Variants in PUDP observed in about 807,000 individuals in gnomAD.
The protein encoded by PUDP is pseudouridine-5'-phosphatase.
PUDP carries 8 observed loss-of-function variants against 9.4 expected under a neutral mutation model. The ratio of observed to expected loss-of-function variants is 0.85; its 90% CI spans 0.50 to 1.53. The LOEUF (loss-of-function observed/expected upper bound fraction) is 1.53. Ranked by LOEUF, PUDP falls within the 40% of genes most tolerant of loss-of-function variation. PUDP has a pLI of 0.00. For synonymous variants in PUDP, 99 were observed against 80.7 expected (o/e 1.23, Z -1.22); for missense variants, 188 against 189.7 (o/e 0.99, Z 0.05).
At chrX:7,135,619 C>T (rs1429004058) in intron 1 of PUDP, among the ~76,000 whole-genome samples, 1 of 112,329 alleles carries the variant, frequency 8.9e-6, no homozygotes, top group Non-Finnish European at 1.9e-5. Context: ...TCTCCAACAT[C>T]AATTTTCTAA....
chrX:7,127,100 T>G (rs1824375619), intron 1 of PUDP, among the ~76,000 whole-genome samples: 1 of 111,795 alleles, frequency 8.9e-6, no homozygotes, highest in African/African-American at 3.3e-5. Context: ...GGAATTATAT[T>G]GACAAAAGGA....
chrX:7,105,931 A>C, intron 1 of PUDP, 93 bp from the exon 2 acceptor site: 1 of 576,229 alleles, frequency 1.7e-6, no homozygotes, highest in South Asian at 3.4e-5. Flanking sequence ...TGTAGGTCTC[A>C]TTCCATGAAC....
intron 3 of PUDP, among the ~76,000 whole-genome samples, chrX:6,929,261 G>A (rs1928153402): frequency 8.9e-6 from 1 of 112,913 alleles, no homozygotes; most frequent in East Asian, 2.8e-4. Flanking sequence ...ACCAATGGCT[G>A]TGACACAGCC....
At chrX:6,866,048 G>A (rs1927078861) in intron 3 of PUDP, among the ~76,000 whole-genome samples, 1 of 111,020 alleles carries the variant, frequency 9.0e-6, no homozygotes, top group Admixed American at 9.6e-5. Context: ...AGCTTCCTGA[G>A]TAGCTGTGAT....
At chrX:6,901,699 T>A (rs951800231) in intron 3 of PUDP, among the ~76,000 whole-genome samples, 4 of 112,511 alleles carry the variant, frequency 3.6e-5, no homozygotes, top group African/African-American at 9.7e-5. Flanking sequence ...TCACTCTATC[T>A]AAATAACTAT....
At chrX:7,136,473 G>A (rs1932745124) in intron 1 of PUDP, among the ~76,000 whole-genome samples, 1 of 111,983 alleles carries the variant, frequency 8.9e-6, no homozygotes, top group African/African-American at 3.3e-5. Flanking sequence ...ATGCTTGTGG[G>A]AACCACTTAC....
At chrX:6,991,412 C>T (rs1929174700) in intron 1 of PUDP, among the ~76,000 whole-genome samples, 1 of 110,841 alleles carries the variant, frequency 9.0e-6, no homozygotes, top group African/African-American at 3.3e-5. Flanking sequence ...GGTATAGTGG[C>T]TCACACCTGA....
chrX:6,911,871 C>T (rs1361875647), intron 3 of PUDP, among the ~76,000 whole-genome samples: 3 of 111,477 alleles, frequency 2.7e-5, no homozygotes, highest in Non-Finnish European at 5.6e-5. Flanking sequence ...TTTTGTGTGT[C>T]CTTGAAAACA....
chrX:6,777,426 T>G (rs1925483935), intron 3 of PUDP, among the ~76,000 whole-genome samples: 1 of 112,009 alleles, frequency 8.9e-6, no homozygotes, highest in Non-Finnish European at 1.9e-5. Flanking sequence ...CCTCATTTGC[T>G]TTGAGCCGTG....
At chrX:6,732,577 G>A (rs1450968326) in intron 3 of PUDP, among the ~76,000 whole-genome samples, 1 of 100,653 alleles carries the variant, frequency 9.9e-6, no homozygotes, top group Non-Finnish European at 2.0e-5. Context: ...GGGAGGGAGA[G>A]AGGGAGGGAG....
At chrX:6,933,158 G>T (rs1166259619) in intron 3 of PUDP, among the ~76,000 whole-genome samples, 1 of 105,358 alleles carries the variant, frequency 9.5e-6, no homozygotes, top group African/African-American at 3.4e-5. Context: ...AGAACACGCA[G>T]ACTGCCTCCT....
chrX:6,986,969 C>G (rs999148524), intron 1 of PUDP, among the ~76,000 whole-genome samples: 2 of 112,015 alleles, frequency 1.8e-5, no homozygotes, highest in Non-Finnish European at 3.8e-5. Context: ...GCATGCAACC[C>G]TCCCTCCAGC....
chrX:6,741,596 G>A (rs1304223110), intron 3 of PUDP, among the ~76,000 whole-genome samples: 1 of 111,035 alleles, frequency 9.0e-6, no homozygotes, highest in Non-Finnish European at 1.9e-5. Context: ...CATATGTAGA[G>A]AGATACATAG....
In PUDP at chrX:7,049,796, TA is replaced by T. The variant is rs1328538407; in HGVS notation, c.*499del. ...CATACATATGCATACATAAAGCATA[TA>T]CTTATATGCATACACAGTTTACATT... is the stretch of plus-strand genomic sequence containing the variant. On this transcript the variant is annotated 3_prime_UTR_variant, in exon 4 of 4. Coordinates refer to ENST00000381077, the MANE Select transcript of PUDP (RefSeq NM_012080.5). The T allele has an allele frequency of 8.8e-6, 1 of 113,336 alleles. No individual in the cohort carries two copies. The highest frequency in any genetic ancestry group is 3.2e-5 in the African/African-American group (1 of 30,887). 9.3% of individuals were successfully genotyped at this position (113,336 alleles called of 1,213,427 possible).
intron 1 of PUDP, among the ~76,000 whole-genome samples, chrX:7,022,529 G>A (rs1009205923): frequency 2.7e-5 from 3 of 111,500 alleles, no homozygotes; most frequent in Admixed American, 9.5e-5. Flanking sequence ...GGCGATGGGA[G>A]CAGTCAAGAC....
intron 1 of PUDP, among the ~76,000 whole-genome samples, chrX:7,140,734 T>G (rs1932786902): frequency 8.9e-6 from 1 of 111,937 alleles, no homozygotes; most frequent in Admixed American, 9.5e-5. Context: ...GCATATCTTA[T>G]TTTATTGTGC....
intron 3 of PUDP, among the ~76,000 whole-genome samples, chrX:6,935,958 C>T (rs1468476368): frequency 9.6e-6 from 1 of 103,869 alleles, no homozygotes; most frequent in Non-Finnish European, 2.0e-5. Flanking sequence ...TCTGAATAGA[C>T]CAATAACAGG....
chrX:7,092,349 T>C (rs961945427), intron 2 of PUDP, among the ~76,000 whole-genome samples: 5 of 112,967 alleles, frequency 4.4e-5, no homozygotes, highest in Non-Finnish European at 9.4e-5. Context: ...AAGACAAAAA[T>C]AACAGAATAC....
At chrX:6,921,951 T>C (rs1242502333) in intron 3 of PUDP, among the ~76,000 whole-genome samples, 1 of 111,749 alleles carries the variant, frequency 8.9e-6, no homozygotes, top group Non-Finnish European at 1.9e-5. Context: ...TACTCCATGT[T>C]TGAAGTGGCT....
Sources: gnomAD v4.1 joint callset for allele counts (sites outside exome capture counted in the v4.1 genomes callset) on GRCh38, gnomAD v4.1.1 for gene constraint, MANE v1.5 for transcripts, NCBI Gene and HGNC (gene_info 2026-07-23, HGNC 2026-07-21) for gene names.